The following NUMB variants were observed in gnomAD, a reference collection of about 807,000 sequenced individuals.
NUMB encodes the protein NUMB endocytic adaptor protein, also known as protein numb homolog.
In NUMB, 29 loss-of-function variants were observed where a neutral mutation model predicts 59.7. The ratio of observed to expected loss-of-function variants is 0.49; its 90% confidence interval spans 0.36 to 0.66. NUMB has a LOEUF of 0.66. Among genes scored for constraint, NUMB ranks in the 30% least tolerant of loss-of-function variants. The probability of loss-of-function intolerance (pLI) is 0.00; values close to 1 mark genes in which losing one functional copy is unlikely to be tolerated. For synonymous variants in NUMB, 288 were observed against 288.2 expected (o/e 1.00, Z 0.01); for missense variants, 723 against 822.0 (o/e 0.88, Z 1.47).
chr14:73,446,380 G>C (rs1284266671), intron 1 of NUMB, among the ~76,000 whole-genome samples: 1 of 152,004 alleles, frequency 6.6e-6, no homozygotes, highest in African/African-American at 2.4e-5. Flanking sequence ...GGCCAAGGCG[G>C]GTAGATCACA....
At chr14:73,396,121 T>C (rs190228788) in intron 2 of NUMB, among the ~76,000 whole-genome samples, 1 of 152,288 alleles carries the variant, frequency 6.6e-6, no homozygotes, top group African/African-American at 2.4e-5. Flanking sequence ...ACTTATTCTG[T>C]CACCTGGCTG....
chr14:73,427,168 C>T (rs1430758600), intron 1 of NUMB, among the ~76,000 whole-genome samples: 2 of 152,140 alleles, frequency 1.3e-5, no homozygotes, highest in Non-Finnish European at 2.9e-5. Context: ...AGTTGCATGA[C>T]CCAGACACAG....
chr14:73,356,690 T>G (rs1156349220), intron 3 of NUMB, among the ~76,000 whole-genome samples: 1 of 152,034 alleles, frequency 6.6e-6, no homozygotes, highest in African/African-American at 2.4e-5. Context: ...TAGGACTAAA[T>G]CTAGAGAAAA....
chr14:73,315,066 T>G (rs1181869633), intron 6 of NUMB, among the ~76,000 whole-genome samples: 3 of 152,172 alleles, frequency 2.0e-5, no homozygotes, highest in Admixed American at 1.3e-4. Flanking sequence ...TATTTGACTT[T>G]TTATTTCAGA....
intron 4 of NUMB, among the ~76,000 whole-genome samples, chr14:73,326,476 A>C (rs542681203): frequency 1.3e-5 from 2 of 151,906 alleles, no homozygotes; most frequent in Non-Finnish European, 2.9e-5. Flanking sequence ...AAAATACAAA[A>C]ATTAGCCAGG....
chr14:73,409,513 C>G (rs2140131922), intron 2 of NUMB: 1 of 152,542 alleles, frequency 6.6e-6, no homozygotes, highest in East Asian at 1.9e-4. Context: ...CACTCCAACC[C>G]TTCCAGCCAC....
chr14:73,426,289 A>T (rs943403870), intron 1 of NUMB, among the ~76,000 whole-genome samples: 14 of 152,220 alleles, frequency 9.2e-5, no homozygotes, highest in Non-Finnish European at 2.1e-4. Context: ...GGCATTGATA[A>T]GTAATACAAA....
chr14:73,296,767 T>C (rs1431398564), intron 7 of NUMB, among the ~76,000 whole-genome samples: 5 of 152,234 alleles, frequency 3.3e-5, no homozygotes, highest in African/African-American at 9.6e-5. Context: ...GGCTCACTCC[T>C]GTAATCCCAG....
rs376719184 is a variant in NUMB, at chr14:73,297,256, C to A, written c.264G>T (p.Leu88=). The A allele has an allele frequency of 1.2e-6, 2 of 1,611,382 alleles. No homozygotes were observed. Among genetic ancestry groups the A allele is most frequent in the Admixed American group, 3.3e-5 (2 of 59,998 alleles). The part of the protein sequence containing the change: ...KTGKKAVKAV[L]WVSADGLRVV... ...CTCTGAGTCCATCTGCTGAGACCCA[C>A]AGAACTGCTTTAACTGCTTTCTTTC... is the stretch of plus-strand genomic sequence containing the variant. The change falls in exon 7 of 13, where the codon CTG becomes CTT. Residue 88 remains leucine, a synonymous_variant. Transcript: ENST00000555238.
intron 4 of NUMB, among the ~76,000 whole-genome samples, chr14:73,347,171 G>T (rs1036930653): frequency 6.6e-6 from 1 of 151,986 alleles, no homozygotes; most frequent in Non-Finnish European, 1.5e-5. Context: ...TATGTAAATT[G>T]TCTCTAATAA....
At chr14:73,293,703 TTCA>T (rs1889564394) in intron 7 of NUMB, among the ~76,000 whole-genome samples, 1 of 152,218 alleles carries the variant, frequency 6.6e-6, no homozygotes. Context: ...TTGTTTCTTT[TTCA>T]TAGTTTCTAT....
chr14:73,395,037 T>TTGTGTGTGTGTGTGTGTGTGTGTGTGTG (rs3028731), intron 2 of NUMB, among the ~76,000 whole-genome samples: 9 of 119,998 alleles, frequency 7.5e-5, no homozygotes, highest in Non-Finnish European at 1.4e-4. Context: ...ATTCGTGTGT[T>TTGTGTGTGTGTGTGTGTGTGTGTGTGTG]TGTGTGTGTG....
chr14:73,333,241 A>G (rs1273596639), intron 4 of NUMB, among the ~76,000 whole-genome samples: 2 of 151,934 alleles, frequency 1.3e-5, no homozygotes, highest in African/African-American at 4.8e-5. Context: ...CCTTGCCAAC[A>G]CTTGTTGTTT....
chr14:73,292,809 T>G lies in NUMB; in HGVS notation c.375A>C (p.Arg125Ser). 1 of 1,614,180 alleles carries G rather than the reference T, an allele frequency of 6.2e-7. No homozygotes were observed. Among genetic ancestry groups the G allele is most frequent in the Non-Finnish European group, 8.5e-7 (1 of 1,180,012 alleles). ...SFCAPDRNFD[R>S]AFSYICRDGT... ...CATCACGGCATATGTAAGAAAAGGCTCTATCAAAGTTCCTGTCTGGGGCAC... is the reference window on the plus strand; with the variant it reads ...CATCACGGCATATGTAAGAAAAGGCGCTATCAAAGTTCCTGTCTGGGGCAC... The change falls in exon 8 of 13, where the codon AGA becomes AGC. Residue 125 changes from arginine to serine, a missense_variant. This residue lies in a region of NUMB where 317 missense variants were observed against 436.6 expected (regional missense o/e 0.73). Coordinates refer to ENST00000555238, the MANE Select transcript of NUMB (RefSeq NM_001005743.2).
Position 73,276,407 on chromosome 14 carries a change from C to CATGTCTT in NUMB, c.*164_*170dup, listed in dbSNP as rs1272167776. On this transcript the variant is annotated 3_prime_UTR_variant, in exon 13 of 13. Coordinates refer to ENST00000555238, the MANE Select transcript of NUMB (RefSeq NM_001005743.2). ...GCTTTTCTCTAGGAATGCTTTTTCC[C>CATGTCTT]ATGTCTTTCAAAATCACCCCTCACA... The CATGTCTT allele has an allele frequency of 7.3e-5, 42 of 571,708 alleles. 1 individual carries two copies. The highest frequency in any genetic ancestry group is 2.3e-4 in the East Asian group (8 of 35,056). 35.4% of individuals were successfully genotyped at this position (571,708 alleles called of 1,614,324 possible). A position where few individuals can be genotyped will look rare whatever the true frequency, so the allele number is the denominator to read the frequency against.
intron 1 of NUMB, among the ~76,000 whole-genome samples, chr14:73,439,450 T>C (rs148033093): frequency 9.4e-4 from 143 of 152,274 alleles, no homozygotes; most frequent in Middle Eastern, 3.4e-3. Flanking sequence ...ACCTTACAAA[T>C]TGTAAAATAA....
chr14:73,394,206 C>T (rs976958570), intron 2 of NUMB, among the ~76,000 whole-genome samples: 13 of 152,146 alleles, frequency 8.5e-5, no homozygotes, highest in Admixed American at 7.2e-4. Flanking sequence ...CAACCCACCT[C>T]GTGCTGGGAT....
intron 3 of NUMB, among the ~76,000 whole-genome samples, chr14:73,361,051 G>A (rs922120771): frequency 1.6e-4 from 24 of 152,024 alleles, no homozygotes; most frequent in African/African-American, 4.1e-4. Flanking sequence ...ACCACACCCA[G>A]CTAATTGTTG....
intron 2 of NUMB, among the ~76,000 whole-genome samples, chr14:73,370,705 A>G (rs1213123203): frequency 6.6e-6 from 1 of 152,142 alleles, no homozygotes; most frequent in African/African-American, 2.4e-5. Context: ...AAAGAAAAAA[A>G]AAAAAAATCA....
Sources: gnomAD v4.1 joint callset for allele counts (sites outside exome capture counted in the v4.1 genomes callset) on GRCh38, gnomAD v4.1.1 for gene constraint, gnomAD v4.1.1 regional missense constraint, MANE v1.5 for transcripts, NCBI Gene and HGNC (gene_info 2026-07-23, HGNC 2026-07-21) for gene names.